EPHB2: variants seen among roughly 807,000 people sequenced by gnomAD.
EPHB2 encodes the protein EPH receptor B2, also known as ephrin type-B receptor 2.
In EPHB2, 18 loss-of-function variants were observed where a neutral mutation model predicts 96.4. The observed-to-expected ratio is 0.19, with a 90% CI of 0.13 to 0.28. The LOEUF (loss-of-function observed/expected upper bound fraction) is 0.28, where lower values mean the gene tolerates loss of function less well. Among genes scored for constraint, EPHB2 ranks in the 10% least tolerant of loss-of-function variants. EPHB2 has a pLI of 1.00. For synonymous variants in EPHB2, 506 were observed against 534.1 expected (o/e 0.95, Z 0.72); for missense variants, 989 against 1,355.4 (o/e 0.73, Z 4.25).
chr1:22,724,387 CTT>C (rs1643536424), intron 1 of EPHB2, among the ~76,000 whole-genome samples: 1 of 152,192 alleles, frequency 6.6e-6, no homozygotes, highest in Admixed American at 6.5e-5. Flanking sequence ...TTTTAGATCA[CTT>C]TGCCTGGCAC....
At chr1:22,735,071 C>T (rs986656453) in intron 1 of EPHB2, among the ~76,000 whole-genome samples, 8 of 152,130 alleles carry the variant, frequency 5.3e-5, no homozygotes, top group African/African-American at 1.7e-4. Flanking sequence ...CCTGCTCTAC[C>T]GACTCCTGTG....
chr1:22,850,078 A>T (rs1207718174), intron 3 of EPHB2, among the ~76,000 whole-genome samples: 1 of 152,084 alleles, frequency 6.6e-6, no homozygotes, highest in Non-Finnish European at 1.5e-5. Context: ...AGGAGGGAGG[A>T]GGCCAGTCTC....
intron 3 of EPHB2, among the ~76,000 whole-genome samples, chr1:22,841,811 G>T (rs997657576): frequency 2.0e-5 from 3 of 152,188 alleles, no homozygotes; most frequent in Non-Finnish European, 4.4e-5. Flanking sequence ...TGAACATCTG[G>T]GATGAAGGCC....
chr1:22,718,104 T>A (rs1389054782), intron 1 of EPHB2, among the ~76,000 whole-genome samples: 1 of 152,114 alleles, frequency 6.6e-6, no homozygotes, highest in African/African-American at 2.4e-5. Context: ...AGGGGGCCAG[T>A]GTACCAGGTT....
intron 5 of EPHB2, among the ~76,000 whole-genome samples, chr1:22,872,787 C>A (rs1312923046): frequency 6.6e-6 from 1 of 152,222 alleles, no homozygotes; most frequent in African/African-American, 2.4e-5. Context: ...GGCGGGCACA[C>A]AATGGCTCAG....
chr1:22,750,382 C>G (rs914099284), intron 1 of EPHB2, among the ~76,000 whole-genome samples: 1 of 152,188 alleles, frequency 6.6e-6, no homozygotes, highest in African/African-American at 2.4e-5. Context: ...GCTCTCTTCT[C>G]TTTCTGGAGT....
chr1:22,794,884 T>C, intron 3 of EPHB2, among the ~76,000 whole-genome samples: 1 of 152,212 alleles, frequency 6.6e-6, no homozygotes, highest in Non-Finnish European at 1.5e-5. Context: ...TGCCTTTTCA[T>C]CTGGCTGGGC....
rs1448641872 is a variant in EPHB2, at chr1:22,917,320, G to GCC, written c.*3753_*3754dup. ...TCACTGAAGCACAGGAAGGACCCAG[G>GCC]CCCCAGACCATCACCCACCCCAGGG... On this transcript the variant is annotated 3_prime_UTR_variant, in exon 16 of 16. Coordinates refer to ENST00000374630, the MANE Select transcript of EPHB2 (RefSeq NM_017449.5). 2 of 152,224 alleles carry GCC rather than the reference G, an allele frequency of 1.3e-5. No homozygotes were observed. Among genetic ancestry groups the GCC allele is most frequent in the Non-Finnish European group, 2.9e-5 (2 of 68,096 alleles). 9.4% of individuals were successfully genotyped at this position (152,224 alleles called of 1,614,324 possible). A position where few individuals can be genotyped will look rare whatever the true frequency, so the allele number is the denominator to read the frequency against.
At chr1:22,798,053 C>T (rs143837415) in intron 3 of EPHB2, among the ~76,000 whole-genome samples, 2 of 152,322 alleles carry the variant, frequency 1.3e-5, no homozygotes, top group Non-Finnish European at 2.9e-5. Context: ...TCCCCAACTG[C>T]CTGTCTTTCC....
chr1:22,795,608 T>G (rs1261555605), intron 3 of EPHB2, among the ~76,000 whole-genome samples: 1 of 152,216 alleles, frequency 6.6e-6, no homozygotes, highest in African/African-American at 2.4e-5. Context: ...AGGCTGCTTT[T>G]GTGTAACATT....
chr1:22,795,997 A>G (rs1183877134), intron 3 of EPHB2, among the ~76,000 whole-genome samples: 1 of 152,230 alleles, frequency 6.6e-6, no homozygotes, highest in Non-Finnish European at 1.5e-5. Context: ...CCCAGGGCAG[A>G]GACCAAGGTC....
chr1:22,826,230 G>A (rs956623329), intron 3 of EPHB2, among the ~76,000 whole-genome samples: 1 of 152,182 alleles, frequency 6.6e-6, no homozygotes, highest in African/African-American at 2.4e-5. Flanking sequence ...CAGAAGCATA[G>A]ATAGTGCACT....
chr1:22,783,106 T>A (rs1216604848), intron 2 of EPHB2, among the ~76,000 whole-genome samples: 3 of 152,204 alleles, frequency 2.0e-5, no homozygotes, highest in South Asian at 2.1e-4. Context: ...AACCCAGGAC[T>A]CCTAGGGCAC....
At chr1:22,880,502 C>T (rs1639002700) in intron 5 of EPHB2, among the ~76,000 whole-genome samples, 1 of 152,346 alleles carries the variant, frequency 6.6e-6, no homozygotes, top group African/African-American at 2.4e-5. Flanking sequence ...CTCAGCCCCT[C>T]CTGGGACCAC....
intron 1 of EPHB2, among the ~76,000 whole-genome samples, chr1:22,772,988 T>G (rs186547515): frequency 6.6e-6 from 1 of 152,300 alleles, no homozygotes; most frequent in East Asian, 1.9e-4. Context: ...TCTCTGAGCC[T>G]TGGTTTCCCC....
chr1:22,906,703 C>G lies in EPHB2; in HGVS notation c.1889-7C>G, dbSNP rs1639927705. The G allele has an allele frequency of 1.9e-6, 3 of 1,614,120 alleles. No individual in the cohort carries two copies. The South Asian group carries it at 3.3e-5, about 18-fold the overall frequency. On this transcript the variant is annotated splice_polypyrimidine_tract_variant and splice_region_variant and intron_variant, in intron 10 of 15. Transcript: ENST00000374630. The surrounding 1 kb of genome is among the most constrained non-coding windows in gnomAD (Gnocchi z 4.8). ...ACATCCTGTCTGTCTTGGTGTTTCT[C>G]TCTCAGGGGAGTTTGGCGAGGTCTG...
At chr1:22,751,156 C>G (rs1009883467) in intron 1 of EPHB2, among the ~76,000 whole-genome samples, 6 of 151,946 alleles carry the variant, frequency 3.9e-5, no homozygotes, top group Non-Finnish European at 5.9e-5. Flanking sequence ...ACTGGTCAGT[C>G]CAAGCCCTTC....
chr1:22,808,213 C>T (rs2148457907), intron 3 of EPHB2, among the ~76,000 whole-genome samples: 1 of 152,240 alleles, frequency 6.6e-6, no homozygotes, highest in Non-Finnish European at 1.5e-5. Flanking sequence ...TATCACTGGG[C>T]CCATTGTGGA....
chr1:22,713,405 G>A (rs1369394034), intron 1 of EPHB2, among the ~76,000 whole-genome samples: 4 of 152,128 alleles, frequency 2.6e-5, no homozygotes, highest in Non-Finnish European at 4.4e-5. Context: ...AGAGTCCATC[G>A]TCTACGCCCT....
Sources: gnomAD v4.1 joint callset for allele counts (sites outside exome capture counted in the v4.1 genomes callset) on GRCh38, gnomAD v4.1.1 for gene constraint, Gnocchi (gnomAD v3.1) non-coding constraint, MANE v1.5 for transcripts, NCBI Gene and HGNC (gene_info 2026-07-23, HGNC 2026-07-21) for gene names.